AKT3: variants seen among roughly 807,000 people sequenced by gnomAD.
AKT3 encodes AKT serine/threonine kinase 3.
Under a neutral mutation model 65.3 loss-of-function variants are expected in AKT3, and 15 were observed. That is an observed-to-expected ratio of 0.23 (90% CI 0.15 to 0.35). The LOEUF is 0.35. AKT3 is among the 10% of genes least tolerant of loss of function. The pLI is 1.00. For missense variants in AKT3, 243 were observed against 576.5 expected (o/e 0.42, Z 5.92); for synonymous variants, 206 against 183.8 (o/e 1.12, Z -0.98).
chr1:243,670,301 T>C (rs1330563024), intron 3 of AKT3, among the ~76,000 whole-genome samples: 2 of 152,200 alleles, frequency 1.3e-5, no homozygotes, highest in Non-Finnish European at 2.9e-5. Context: ...TTATGGTTTG[T>C]TGCTGTACAA....
chr1:243,693,293 T>TATATAA (rs1684842926), intron 3 of AKT3, among the ~76,000 whole-genome samples: 3 of 114,832 alleles, frequency 2.6e-5, no homozygotes, highest in African/African-American at 6.6e-5. Flanking sequence ...TATATATATA[T>TATATAA]AACATTTCCC....
At chr1:243,776,049 T>A (rs1350524009) in intron 2 of AKT3, among the ~76,000 whole-genome samples, 1 of 152,212 alleles carries the variant, frequency 6.6e-6, no homozygotes, top group East Asian at 1.9e-4. Flanking sequence ...TCTCTACTGA[T>A]ACAGTGAAGG....
Position 243,707,715 on chromosome 1 carries a change from CCTTT to C in AKT3, c.47-12003_47-12000del, listed in dbSNP as rs990252456. Among the ~76,000 whole-genome samples the C allele has an allele frequency of 3.8e-4, 58 of 152,160 alleles. 1 individual carries two copies. Among genetic ancestry groups the C allele is most frequent in the African/African-American group, 1.3e-3 (54 of 41,538 alleles). The stretch of plus-strand genomic sequence containing the variant: ...TTGACATCAGGCCTTCCCCACTCTT[CCTTT>C]CTTATTACAAAAATTAATCATCATC... On this transcript the variant is annotated intron_variant, in intron 2 of 13. Coordinates refer to ENST00000673466, the MANE Select transcript of AKT3 (RefSeq NM_005465.7).
At chr1:243,582,276 C>T (rs933311437) in intron 8 of AKT3, among the ~76,000 whole-genome samples, 3 of 151,336 alleles carry the variant, frequency 2.0e-5, no homozygotes, top group Non-Finnish European at 4.4e-5. Flanking sequence ...AAATAAACAT[C>T]ACTAAGGATA....
intron 2 of AKT3, among the ~76,000 whole-genome samples, chr1:243,776,244 A>G (rs1690538148): frequency 6.6e-6 from 1 of 152,232 alleles, no homozygotes; most frequent in South Asian, 2.1e-4. Context: ...GACAGGTTAA[A>G]TAAGACATTT....
intron 2 of AKT3, among the ~76,000 whole-genome samples, chr1:243,751,136 T>C (rs935669354): frequency 6.6e-5 from 10 of 152,120 alleles, no homozygotes; most frequent in Non-Finnish European, 1.5e-4. Flanking sequence ...CATAATTTTC[T>C]TAAATGCTTC....
Position 243,500,273 on chromosome 1 carries a change from TTTTA to T in AKT3, c.*4972_*4975del, listed in dbSNP as rs554842444. The T allele has an allele frequency of 8.8e-5, 20 of 226,746 alleles. No homozygotes were observed. The highest frequency in any genetic ancestry group is 6.7e-4 in the South Asian group (4 of 5,932). The allele number at this position is 226,746 out of a possible 1,614,324, so 14.0% of individuals were successfully genotyped here. On this transcript the variant is annotated 3_prime_UTR_variant, in exon 14 of 14. Coordinates refer to ENST00000673466, the MANE Select transcript of AKT3 (RefSeq NM_005465.7). ...TTAATCAATGTCCCATCAGACTCCA[TTTTA>T]TTTATTTATCGTCCTACTTTGTGCA...
downstream of AKT3, among the ~76,000 whole-genome samples, chr1:243,499,360 T>C (rs1373020106): frequency 6.6e-6 from 1 of 152,266 alleles, no homozygotes; most frequent in Non-Finnish European, 1.5e-5. Flanking sequence ...GCCTACACCC[T>C]GTTTTTGTTC....
At chr1:243,809,589 G>C (rs1437047492) in intron 2 of AKT3, among the ~76,000 whole-genome samples, 26 of 152,016 alleles carry the variant, frequency 1.7e-4, no homozygotes, top group Admixed American at 2.6e-4. Context: ...TAATGGGAGA[G>C]TTTAACACCC....
chr1:243,714,145 C>T (rs1282384187), intron 2 of AKT3, among the ~76,000 whole-genome samples: 1 of 152,134 alleles, frequency 6.6e-6, no homozygotes, highest in Admixed American at 6.5e-5. Flanking sequence ...CTGAAATGCA[C>T]GCTAACAGTC....
upstream of AKT3, among the ~76,000 whole-genome samples, chr1:243,850,525 G>A (rs1252687521): frequency 6.6e-6 from 1 of 151,270 alleles, no homozygotes; most frequent in East Asian, 2.0e-4. Context: ...GCTGCGCCTC[G>A]CTGAGGGGAC....
chr1:243,500,481 G>A lies in AKT3; in HGVS notation c.*4768C>T. The A allele has an allele frequency of 8.9e-6, 2 of 225,708 alleles. No homozygotes were observed. The highest frequency in any genetic ancestry group is 1.3e-3 in the Middle Eastern group (1 of 744). The allele number at this position is 225,708 out of a possible 1,614,324, so 14.0% of individuals were successfully genotyped here. ...AGTGAAATTAGAAAATTTACTTAGA[G>A]TATATCAAATATCTGTACACAGATA... is the stretch of plus-strand genomic sequence containing the variant. On this transcript the variant is annotated 3_prime_UTR_variant, in exon 14 of 14. Transcript: ENST00000673466.
downstream of AKT3, among the ~76,000 whole-genome samples, chr1:243,499,566 C>T (rs901257404): frequency 6.6e-6 from 1 of 152,174 alleles, no homozygotes; most frequent in Non-Finnish European, 1.5e-5. Flanking sequence ...AACCTTATTT[C>T]ATATGTGAAG....
chr1:243,533,088 T>A (rs1574553175), intron 12 of AKT3, among the ~76,000 whole-genome samples: 1 of 152,242 alleles, frequency 6.6e-6, no homozygotes, highest in East Asian at 1.9e-4. Flanking sequence ...ATTTTTCAAA[T>A]AACCAACTTT....
chr1:243,775,520 C>G (rs1572329319), intron 2 of AKT3, among the ~76,000 whole-genome samples: 1 of 152,172 alleles, frequency 6.6e-6, no homozygotes, highest in Admixed American at 6.5e-5. Flanking sequence ...CACCGGCCAT[C>G]TTATGAATCC....
At chr1:243,642,531 G>A (rs12048114) in intron 5 of AKT3, among the ~76,000 whole-genome samples, 6,028 of 151,532 alleles carry the variant, frequency 0.04, 163 homozygotes, top group African/African-American at 0.066. Flanking sequence ...GGATGGTCTC[G>A]ATCTCCTGAC....
At chr1:243,832,368 A>T (rs1694595723) in intron 2 of AKT3, among the ~76,000 whole-genome samples, 1 of 152,072 alleles carries the variant, frequency 6.6e-6, no homozygotes, top group Non-Finnish European at 1.5e-5. Flanking sequence ...ATAATTTAAG[A>T]ATTAAATTGG....
chr1:243,694,760 T>C (rs1020034343), intron 3 of AKT3, among the ~76,000 whole-genome samples: 1 of 151,968 alleles, frequency 6.6e-6, no homozygotes, highest in South Asian at 2.1e-4. Flanking sequence ...TGTTATATTA[T>C]TGCATTTTTT....
intron 2 of AKT3, among the ~76,000 whole-genome samples, chr1:243,699,014 A>G (rs1685244201): frequency 6.6e-6 from 1 of 151,976 alleles, no homozygotes; most frequent in Non-Finnish European, 1.5e-5. Context: ...TTTCATCTCT[A>G]GCTCAGAAGT....
Sources: gnomAD v4.1 joint callset for allele counts (sites outside exome capture counted in the v4.1 genomes callset) on GRCh38, gnomAD v4.1.1 for gene constraint, MANE v1.5 for transcripts, NCBI Gene and HGNC (gene_info 2026-07-23, HGNC 2026-07-21) for gene names.